The following ZHX2 variants were observed in gnomAD, a reference collection of about 807,000 sequenced individuals.
ZHX2 encodes zinc fingers and homeoboxes 2.
Under a neutral mutation model 21.9 loss-of-function variants are expected in ZHX2, and 6 were observed. That is an observed-to-expected ratio of 0.27 (90% CI 0.15 to 0.54). The LOEUF is 0.54. ZHX2 is among the 20% of genes least tolerant of loss of function. ZHX2 has a pLI of 0.95. For synonymous variants in ZHX2, 434 were observed against 437.1 expected, an observed-to-expected ratio of 0.99 and a Z score of 0.09; for missense variants, 908 against 1,090.7, an observed-to-expected ratio of 0.83 and a Z score of 2.36.
chr8:122,970,847 G>A (rs1170638855), intron 3 of ZHX2, among the ~76,000 whole-genome samples: 5 of 152,172 alleles, frequency 3.3e-5, no homozygotes, highest in South Asian at 4.1e-4. Context: ...AATAAGGCTC[G>A]TGGTCCTCAC....
At chr8:122,882,328 G>A (rs951866789) in intron 2 of ZHX2, among the ~76,000 whole-genome samples, 1 of 152,084 alleles carries the variant, frequency 6.6e-6, no homozygotes, top group Non-Finnish European at 1.5e-5. Flanking sequence ...GAGAGAGAGA[G>A]AGAGAGAGAG....
At chr8:122,842,909 G>A (rs1037806083) in intron 1 of ZHX2, among the ~76,000 whole-genome samples, 1 of 152,226 alleles carries the variant, frequency 6.6e-6, no homozygotes, top group African/African-American at 2.4e-5. Flanking sequence ...AAATGGCTGG[G>A]CCTCACCCCC....
chr8:122,795,788 G>A (rs1713244754), intron 1 of ZHX2, among the ~76,000 whole-genome samples: 1 of 152,220 alleles, frequency 6.6e-6, no homozygotes, highest in Non-Finnish European at 1.5e-5. Flanking sequence ...TAAAAGGCAA[G>A]GCTGGGATTT....
intron 2 of ZHX2, among the ~76,000 whole-genome samples, chr8:122,878,323 T>C (rs1819617531): frequency 6.6e-6 from 1 of 152,194 alleles, no homozygotes; most frequent in Admixed American, 6.5e-5. Flanking sequence ...TTATTTAGCA[T>C]GAAAGTCTAC....
At chr8:122,943,799 C>T (rs1020003538) in intron 2 of ZHX2, among the ~76,000 whole-genome samples, 7 of 152,100 alleles carry the variant, frequency 4.6e-5, no homozygotes, top group Admixed American at 1.3e-4. Context: ...TTCCCGCCAG[C>T]CCCACCCCAC....
chr8:122,824,814 A>G (rs1818228089), intron 1 of ZHX2, among the ~76,000 whole-genome samples: 1 of 152,224 alleles, frequency 6.6e-6, no homozygotes, highest in Non-Finnish European at 1.5e-5. Flanking sequence ...CTGAGCTAAA[A>G]TTAGAGTGTT....
chr8:122,840,621 A>G (rs1265288476), intron 1 of ZHX2, among the ~76,000 whole-genome samples: 1 of 152,232 alleles, frequency 6.6e-6, no homozygotes, highest in African/African-American at 2.4e-5. Flanking sequence ...CCCATGCCTC[A>G]TGCTCAGTGC....
chr8:122,909,559 T>C (rs938213010), intron 2 of ZHX2, among the ~76,000 whole-genome samples: 5 of 152,130 alleles, frequency 3.3e-5, no homozygotes, highest in African/African-American at 1.2e-4. Flanking sequence ...CCAACACTCT[T>C]ATTCACTCGC....
At chr8:122,910,060 G>A (rs1219850444) in intron 2 of ZHX2, among the ~76,000 whole-genome samples, 1 of 150,830 alleles carries the variant, frequency 6.6e-6, no homozygotes, top group Non-Finnish European at 1.5e-5. Context: ...TCCCTCTCTT[G>A]TCCACCCAGT....
chr8:122,951,869 A>C lies in ZHX2; in HGVS notation c.359A>C (p.Lys120Thr), dbSNP rs1813123429. 1.7e-5 allele frequency: 27 copies of C among 1,614,114 alleles called. No individual in the cohort carries two copies. The highest frequency in any genetic ancestry group is 2.3e-5 in the Non-Finnish European group (27 of 1,180,024). The part of the protein sequence containing the change: ...YVCAECNFTT[K>T]KYDSLSDHNS... ...TGTGCAGAATGTAACTTCACAACCA[A>C]AAAGTACGACTCCCTATCCGACCAC... Residue 120 changes from lysine (K) to threonine (T), a missense_variant, in exon 3 of 4, where the codon AAA becomes ACA. Lys to Thr is a moderately conservative substitution (Grantham distance 78). Coordinates refer to ENST00000314393, the MANE Select transcript of ZHX2 (RefSeq NM_014943.5).
intron 1 of ZHX2, among the ~76,000 whole-genome samples, chr8:122,854,375 C>T (rs1415655816): frequency 6.6e-6 from 1 of 152,192 alleles, no homozygotes; most frequent in Non-Finnish European, 1.5e-5. Flanking sequence ...CAGGCACTTC[C>T]TTTATTTCCC....
intron 1 of ZHX2, among the ~76,000 whole-genome samples, chr8:122,830,746 T>A (rs2130672028): frequency 6.6e-6 from 1 of 152,216 alleles, no homozygotes; most frequent in East Asian, 1.9e-4. Flanking sequence ...GGGGAGGTAA[T>A]TACTGCGTGG....
intron 1 of ZHX2, among the ~76,000 whole-genome samples, chr8:122,830,153 C>T (rs536867374): frequency 3.3e-5 from 5 of 152,278 alleles, no homozygotes; most frequent in South Asian, 4.1e-4. Flanking sequence ...TGGGTGCACA[C>T]GGGCTGAGGC....
intron 1 of ZHX2, among the ~76,000 whole-genome samples, chr8:122,842,646 G>A (rs1818663063): frequency 6.6e-6 from 1 of 152,104 alleles, no homozygotes; most frequent in Non-Finnish European, 1.5e-5. Context: ...GGCGGAGCTG[G>A]CAAGTGAGCC....
chr8:122,938,579 G>A (rs910920627), intron 2 of ZHX2, among the ~76,000 whole-genome samples: 1 of 152,146 alleles, frequency 6.6e-6, no homozygotes, highest in Non-Finnish European at 1.5e-5. Context: ...GCTCACACCT[G>A]TAATCCCAGC....
intron 2 of ZHX2, among the ~76,000 whole-genome samples, chr8:122,930,628 C>T (rs1018900978): frequency 3.3e-5 from 5 of 151,390 alleles, no homozygotes; most frequent in African/African-American, 7.3e-5. Flanking sequence ...CCAGCCACCA[C>T]GCCTGGCTAA....
chr8:122,899,650 AG>A (rs1820180133), intron 2 of ZHX2, among the ~76,000 whole-genome samples: 1 of 152,122 alleles, frequency 6.6e-6, no homozygotes, highest in Non-Finnish European at 1.5e-5. Context: ...CCTGAGTCTA[AG>A]GGTATTGTGT....
At position 122,952,178 on chromosome 8, in the gene ZHX2, C is replaced by T. The variant is rs371184369; in HGVS notation, c.668C>T (p.Ala223Val). 2 of 1,613,626 alleles carry T rather than the reference C, an allele frequency of 1.2e-6. No homozygotes were observed. Among genetic ancestry groups the T allele is most frequent in the Non-Finnish European group, 8.5e-7 (1 of 1,179,930 alleles). Residue 223 changes from alanine to valine, a missense_variant, in exon 3 of 4, where the codon GCT becomes GTT. Coordinates refer to ENST00000314393, the MANE Select transcript of ZHX2 (RefSeq NM_014943.5). This position sits in a 1 kb window ranked among gnomAD's most constrained non-coding sequence, Gnocchi z 6.9. ...EGTARLVTDT[A>V]EILSRLGGVE... Reference sequence around the variant, plus strand: ...ACCGCCCGCCTGGTGACAGACACAGCTGAGATCCTCTCGAGACTCGGCGGG... The same window carrying T: ...ACCGCCCGCCTGGTGACAGACACAGTTGAGATCCTCTCGAGACTCGGCGGG...
At chr8:122,893,168 T>G (rs184917594) in intron 2 of ZHX2, among the ~76,000 whole-genome samples, 3 of 152,356 alleles carry the variant, frequency 2.0e-5, no homozygotes, top group Admixed American at 2.0e-4. Flanking sequence ...CATTCTCTCC[T>G]GCTCTGTGAG....
Sources: allele counts gnomAD v4.1 joint callset (sites outside exome capture counted in the v4.1 genomes callset), GRCh38; gene constraint gnomAD v4.1.1; non-coding constraint Gnocchi (gnomAD v3.1); transcripts MANE v1.5; gene names NCBI Gene and HGNC (gene_info 2026-07-23, HGNC 2026-07-21).